The following ZFHX3 variants were observed in gnomAD, a reference collection of about 807,000 sequenced individuals.
The protein encoded by ZFHX3 is zinc finger homeobox protein 3.
Under a neutral mutation model 279.1 loss-of-function variants are expected in ZFHX3, and 42 were observed. The observed-to-expected ratio is 0.15, with a 90% CI of 0.12 to 0.19. ZFHX3 has a LOEUF of 0.19. Ranked by LOEUF, ZFHX3 falls within the 10% of genes least tolerant of loss-of-function variation. The pLI is 1.00. For synonymous variants in ZFHX3, 2,293 were observed against 1,957.8 expected, an observed-to-expected ratio of 1.17 and a Z score of -4.52; for missense variants, 4,981 against 4,754.0, an observed-to-expected ratio of 1.05 and a Z score of -1.40.
intron 1 of ZFHX3, among the ~76,000 whole-genome samples, chr16:73,041,603 G>C (rs1475814655): frequency 6.6e-6 from 1 of 152,104 alleles, no homozygotes; most frequent in Non-Finnish European, 1.5e-5. Context: ...AACATAAGGG[G>C]ACACTATTCA....
chr16:73,520,297 A>G (rs1398192366), intron 2 of ZFHX3, among the ~76,000 whole-genome samples: 1 of 152,194 alleles, frequency 6.6e-6, no homozygotes, highest in Non-Finnish European at 1.5e-5. Flanking sequence ...AATTGCACCA[A>G]ATTCTATAAA....
chr16:72,891,497 T>G (rs1020878054), intron 3 of ZFHX3, among the ~76,000 whole-genome samples: 1 of 152,156 alleles, frequency 6.6e-6, no homozygotes, highest in Non-Finnish European at 1.5e-5. Flanking sequence ...AGAGAATGAA[T>G]GTGCACCTGG....
upstream of ZFHX3, among the ~76,000 whole-genome samples, chr16:73,048,936 T>C (rs1422943368): frequency 2.0e-5 from 3 of 152,190 alleles, no homozygotes; most frequent in Non-Finnish European, 2.9e-5. Flanking sequence ...CCAGGCTCCT[T>C]AGCCTCACCT....
At chr16:73,292,636 C>T (rs2014801602) in intron 4 of ZFHX3, among the ~76,000 whole-genome samples, 1 of 152,100 alleles carries the variant, frequency 6.6e-6, no homozygotes, top group Admixed American at 6.5e-5. Flanking sequence ...AGAGAAATTG[C>T]CCAGCTCTTC....
chr16:73,177,857 A>G lies in ZFHX3; in HGVS notation c.-1103-34026T>C, dbSNP rs189696100. Among the ~76,000 whole-genome samples the G allele has an allele frequency of 1.4e-4, 22 of 152,362 alleles. 1 individual carries two copies. The highest frequency in any genetic ancestry group is 5.0e-4 in the African/African-American group (21 of 41,590). ...CTTTAATGCAAAGCACTGTTAAATA[A>G]AGCATTGAGCAAGGGACACTGACAA... On this transcript the variant is annotated intron_variant, in intron 5 of 17. Transcript: ENST00000641206.
At chr16:73,715,826 G>A (rs1331487003) in intron 1 of ZFHX3, among the ~76,000 whole-genome samples, 2 of 151,722 alleles carry the variant, frequency 1.3e-5, no homozygotes, top group African/African-American at 4.8e-5. Context: ...CCCACCTCAG[G>A]CTCCCAAAGT....
At chr16:73,508,016 T>C (rs1035094060) in intron 2 of ZFHX3, among the ~76,000 whole-genome samples, 2 of 152,162 alleles carry the variant, frequency 1.3e-5, no homozygotes, top group African/African-American at 4.8e-5. Flanking sequence ...ATGCTTAAGA[T>C]TGATACACGG....
chr16:73,796,739 G>C (rs1448075007), intron 1 of ZFHX3, among the ~76,000 whole-genome samples: 1 of 152,208 alleles, frequency 6.6e-6, no homozygotes, highest in Non-Finnish European at 1.5e-5. Context: ...ATGCTTCGGG[G>C]AGAGAGTGGG....
At chr16:73,094,053 G>A (rs938377038) in intron 7 of ZFHX3, among the ~76,000 whole-genome samples, 44 of 152,260 alleles carry the variant, frequency 2.9e-4, no homozygotes, top group African/African-American at 9.4e-4. Context: ...TTGTGGGGTT[G>A]AGTGTGGACC....
At chr16:72,979,078 G>T (rs1962480200) in intron 1 of ZFHX3, among the ~76,000 whole-genome samples, 1 of 152,198 alleles carries the variant, frequency 6.6e-6, no homozygotes, top group Admixed American at 6.5e-5. Flanking sequence ...AAAGCTGAGT[G>T]TCAACAGGAG....
chr16:73,591,135 G>A (rs147848182), intron 2 of ZFHX3, among the ~76,000 whole-genome samples: 155 of 152,028 alleles, frequency 1.0e-3, no homozygotes, highest in African/African-American at 3.4e-3. Flanking sequence ...GGCAGATCAC[G>A]AGGTTAGGAG....
At chr16:73,024,356 C>T (rs1964418219) in intron 1 of ZFHX3, among the ~76,000 whole-genome samples, 5 of 152,176 alleles carry the variant, frequency 3.3e-5, no homozygotes, top group Admixed American at 3.3e-4. Context: ...CAGTCTCCAC[C>T]AAGCCTCATC....
At chr16:73,791,947 G>A (rs554068763) in intron 1 of ZFHX3, among the ~76,000 whole-genome samples, 5 of 152,254 alleles carry the variant, frequency 3.3e-5, no homozygotes, top group Admixed American at 1.3e-4. Flanking sequence ...ATAATGATTC[G>A]TAGTTTACAG....
chr16:72,845,131 A>G (rs947813742), intron 4 of ZFHX3, among the ~76,000 whole-genome samples: 1 of 152,156 alleles, frequency 6.6e-6, no homozygotes, highest in Non-Finnish European at 1.5e-5. Flanking sequence ...CTGGAAAAGC[A>G]GCTCCAAGCG....
chr16:73,320,808 T>C (rs772324895), intron 3 of ZFHX3, among the ~76,000 whole-genome samples: 1 of 152,172 alleles, frequency 6.6e-6, no homozygotes, highest in Non-Finnish European at 1.5e-5. Flanking sequence ...TGGCTGACTG[T>C]GCTTTATTTG....
intron 4 of ZFHX3, among the ~76,000 whole-genome samples, chr16:72,882,671 C>T (rs901836928): frequency 6.6e-6 from 1 of 152,170 alleles, no homozygotes; most frequent in Non-Finnish European, 1.5e-5. Flanking sequence ...AGCAGTGAAA[C>T]AGCACTGCAT....
At chr16:73,587,531 C>A (rs1283087777) in intron 2 of ZFHX3, among the ~76,000 whole-genome samples, 1 of 152,142 alleles carries the variant, frequency 6.6e-6, no homozygotes, top group African/African-American at 2.4e-5. Context: ...CAGACACATT[C>A]CCAAATGTTT....
At chr16:72,818,466 T>TC (rs1458759472) in intron 5 of ZFHX3, among the ~76,000 whole-genome samples, 2 of 152,106 alleles carry the variant, frequency 1.3e-5, no homozygotes, top group Non-Finnish European at 2.9e-5. Context: ...ATTTTCTTCC[T>TC]CCCCCCAATA....
At chr16:73,165,743 G>C (rs879683720) in intron 5 of ZFHX3, among the ~76,000 whole-genome samples, 1 of 152,120 alleles carries the variant, frequency 6.6e-6, no homozygotes, top group Non-Finnish European at 1.5e-5. Flanking sequence ...CTACTCTTAC[G>C]AGCTGGCCCC....
Sources: allele counts gnomAD v4.1 joint callset (sites outside exome capture counted in the v4.1 genomes callset), GRCh38; gene constraint gnomAD v4.1.1; transcripts MANE v1.5; gene names NCBI Gene and HGNC (gene_info 2026-07-23, HGNC 2026-07-21).